Variants in WASHC2C observed in about 807,000 individuals in gnomAD.
WASHC2C encodes Vaccinia Penetration Factor.
A neutral mutation model predicts 142.2 loss-of-function variants in WASHC2C; 73 were observed. The observed-to-expected ratio is 0.51, with a 90% confidence interval of 0.43 to 0.62. The LOEUF is 0.62. Among genes scored for constraint, WASHC2C ranks in the 20% least tolerant of loss-of-function variants. The pLI is 0.00. For missense variants in WASHC2C, 969 were observed against 1,531.7 expected (o/e 0.63, Z 6.13); for synonymous variants, 337 against 565.5 (o/e 0.60, Z 5.73).
chr10:45,789,043 G>A lies in WASHC2C; in HGVS notation c.3260G>A (p.Ser1087Asn). The change falls in exon 29 of 31, where the codon AGT (serine) becomes AAT (asparagine). Residue 1087 changes from serine to asparagine, a missense_variant. Ser to Asn is a conservative substitution (Grantham distance 46). Transcript: ENST00000623400. ...NGHRPQLRAA[S>N]GEDSTEEALA... The stretch of plus-strand genomic sequence containing the variant: ...CATCGGCCACAGCTCAGAGCAGCCA[G>A]TGGAGAAGACAGCACTGAGGAGGCC... The A allele has an allele frequency of 3.7e-6, 6 of 1,612,066 alleles. No homozygotes were observed. Among genetic ancestry groups the A allele is most frequent in the Admixed American group, 1.7e-5 (1 of 60,024 alleles).
intron 13 of WASHC2C, among the ~76,000 whole-genome samples, chr10:45,754,061 T>A (rs1250912406): frequency 1.3e-5 from 2 of 151,878 alleles, no homozygotes; most frequent in South Asian, 4.1e-4. Flanking sequence ...CCCTTTGCTC[T>A]TATGTCTTTA....
chr10:45,785,358 T>C (rs2057956967), intron 25 of WASHC2C, 151 bp from the exon 26 acceptor site: 1 of 869,976 alleles, frequency 1.1e-6, no homozygotes, highest in Non-Finnish European at 1.8e-6. Context: ...TTCAGAATGC[T>C]ATTTCTGAAA....
At chr10:45,754,205 C>T (rs1239904283) in intron 13 of WASHC2C, among the ~76,000 whole-genome samples, 8 of 151,542 alleles carry the variant, frequency 5.3e-5, no homozygotes, top group Non-Finnish European at 1.2e-4. Context: ...GTGCTCACCT[C>T]CTCCCTTGGT....
intron 3 of WASHC2C, among the ~76,000 whole-genome samples, chr10:45,734,194 C>G (rs868969848): frequency 6.6e-6 from 1 of 152,166 alleles, no homozygotes; most frequent in African/African-American, 2.4e-5. Flanking sequence ...CACTGCACTT[C>G]AGCCAGGGTG....
At chr10:45,782,283 G>C (rs2057566450) in intron 23 of WASHC2C, among the ~76,000 whole-genome samples, 1 of 152,008 alleles carries the variant, frequency 6.6e-6, no homozygotes, top group Non-Finnish European at 1.5e-5. Flanking sequence ...ACGAGACCCT[G>C]TCTGAAAAAA....
At position 45,790,502 on chromosome 10, in the gene WASHC2C, G is replaced by A; in HGVS notation, c.3855G>A (p.Val1285=). Reference sequence around the variant, plus strand: ...CAAAAGAAAAGTCCAAAAAGAAAGTGGAAGCCAAGTCTATATTTGATGATG... The same window carrying A: ...CAAAAGAAAAGTCCAAAAAGAAAGTAGAAGCCAAGTCTATATTTGATGATG... ...VKPKEKSKKK[V]EAKSIFDDDM... is the part of the protein sequence containing the mutation. Residue 1285 remains valine, a synonymous_variant, in exon 30 of 31, where the codon GTG becomes GTA. Transcript: ENST00000623400. 1.2e-6 allele frequency: 2 copies of A among 1,611,324 alleles called. No individual in the cohort carries two copies. The highest frequency in any genetic ancestry group is 2.2e-5 in the East Asian group (1 of 44,860).
At chr10:45,772,089 A>G (rs1554884837) in intron 20 of WASHC2C, among the ~76,000 whole-genome samples, 1 of 152,266 alleles carries the variant, frequency 6.6e-6, no homozygotes, top group African/African-American at 2.4e-5. Context: ...GTAGTGATGC[A>G]TCCTAGAACA....
Position 45,763,429 on chromosome 10 carries a change from A to G in WASHC2C, c.1677A>G (p.Ala559=), listed in dbSNP as rs200274112. The G allele has an allele frequency of 7.4e-4, 805 of 1,086,096 alleles. 2 individuals carry two copies. Among genetic ancestry groups the G allele is most frequent in the African/African-American group, 5.0e-3 (314 of 62,194 alleles). 67.3% of individuals were successfully genotyped at this position (1,086,096 alleles called of 1,614,324 possible). A position where few individuals can be genotyped will look rare whatever the true frequency, so the allele number is the denominator to read the frequency against. Residue 559 remains alanine (A), a synonymous_variant, in exon 18 of 31, where the codon GCA becomes GCG. Transcript: ENST00000623400. ...SSQSASNLKG[A]SLLPGKLPTS... ...AAAGTGCGAGTAACTTAAAAGGTGCATCTCTGCTGCCTGGCAAGCTCCCCA... is the reference window on the plus strand; with the variant it reads ...AAAGTGCGAGTAACTTAAAAGGTGCGTCTCTGCTGCCTGGCAAGCTCCCCA...
intron 4 of WASHC2C, among the ~76,000 whole-genome samples, chr10:45,738,615 T>TA (rs1178965579): frequency 1.3e-5 from 2 of 152,230 alleles, no homozygotes; most frequent in Non-Finnish European, 2.9e-5. Context: ...ATGAAGCTGT[T>TA]AGACTAGGAA....
At position 45,792,504 on chromosome 10, in the gene WASHC2C, G is replaced by A. The variant is rs1345205429; in HGVS notation, c.*104G>A. 328 of 1,502,722 alleles carry A rather than the reference G, an allele frequency of 2.2e-4. 21 individuals are homozygous for A. In the East Asian group the frequency reaches 6.0e-3, roughly 27 times the overall value. The allele number at this position is 1,502,722 out of a possible 1,614,324, so 93.1% of individuals were successfully genotyped here. A position where few individuals can be genotyped will look rare whatever the true frequency, so the allele number is the denominator to read the frequency against. On this transcript the variant is annotated 3_prime_UTR_variant, in exon 31 of 31. Transcript: ENST00000623400. ...ACTGGATTACAAAAAGCAAATACTA[G>A]AACAGCTAGCTCATCTTTTACCCAA...
intron 3 of WASHC2C, among the ~76,000 whole-genome samples, chr10:45,732,804 T>C (rs1243333790): frequency 6.6e-6 from 1 of 152,272 alleles, no homozygotes; most frequent in African/African-American, 2.4e-5. Flanking sequence ...ATTTTGGTCA[T>C]TTTTCCCTCC....
chr10:45,750,817 C>A lies in WASHC2C; in HGVS notation c.910C>A (p.Arg304=). ...CCGCATCAAGGGGGATGCCATGGGT[C>A]GAGTGGACGAGGAGCCGACAAGTGA... ...AARIKGDAMG[R]VDEEPTTLPS... The change falls in exon 10 of 31, where the codon CGA becomes AGA. Residue 304 remains arginine (R), a synonymous_variant. Coordinates refer to ENST00000623400, the MANE Select transcript of WASHC2C (RefSeq NM_001330074.2). The A allele has an allele frequency of 1.3e-6, 2 of 1,548,360 alleles. No individual in the cohort carries two copies. Among genetic ancestry groups the A allele is most frequent in the Non-Finnish European group, 1.7e-6 (2 of 1,146,916 alleles).
At chr10:45,747,715 C>T (rs1274487523) in intron 8 of WASHC2C, among the ~76,000 whole-genome samples, 1 of 149,580 alleles carries the variant, frequency 6.7e-6, no homozygotes, top group Non-Finnish European at 1.5e-5. Context: ...CTCAGCCTCC[C>T]TGAGTAGCTG....
chr10:45,749,689 A>G (rs2596960), intron 8 of WASHC2C, among the ~76,000 whole-genome samples: 7,783 of 149,478 alleles, frequency 0.052, 282 homozygotes, highest in African/African-American at 0.1. Flanking sequence ...TGCTGGGCGT[A>G]GTGGTGCATG....
rs546907249 is a variant in WASHC2C at position 45,737,990 on chromosome 10, A to G, written c.299A>G (p.Tyr100Cys). 8.1e-6 allele frequency: 13 copies of G among 1,611,764 alleles called. No individual in the cohort carries two copies. The South Asian group carries it at 1.2e-4, about 15-fold the overall frequency. ...GTTTGCTTCCATATTTAGCGTGTAT[A>G]TGATGAAGAAGTGGAGGAGCCAGTA... Reference protein sequence around the residue: ...SNTQFIENRVYDEEVEEPVLK... With the variant: ...SNTQFIENRVCDEEVEEPVLK... Residue 100 changes from tyrosine (Y) to cysteine (C), a missense_variant, in exon 4 of 31, where the codon TAT becomes TGT. Physicochemically the swap from Tyr to Cys is radical, Grantham distance 194. Coordinates refer to ENST00000623400, the MANE Select transcript of WASHC2C (RefSeq NM_001330074.2).
Position 45,727,426 on chromosome 10 carries a change from A to C in WASHC2C, c.13A>C (p.Thr5Pro), listed in dbSNP as rs2049984605. MMNR[T>P]TPDQELVPAS... is the part of the protein sequence containing the mutation. ...GTTTTTTTCGCTGCAGATGAACCGG[A>C]CGACCCCCGACCAGGAGCTGGTGCC... Residue 5 changes from threonine to proline, a missense_variant, in exon 2 of 31, where the codon ACG becomes CCG. Physicochemically the swap from Thr to Pro is conservative, Grantham distance 38. Transcript: ENST00000623400. 6.2e-7 allele frequency: 1 copy of C among 1,611,130 alleles called. No individual in the cohort carries two copies. Among genetic ancestry groups the C allele is most frequent in the African/African-American group, 1.3e-5 (1 of 74,752 alleles).
chr10:45,772,984 C>T (rs1297187458), intron 20 of WASHC2C, among the ~76,000 whole-genome samples: 1 of 149,604 alleles, frequency 6.7e-6, no homozygotes, highest in African/African-American at 2.5e-5. Context: ...TGCCTTGCAG[C>T]GGTAACAGCT....
rs782293902 is a variant in WASHC2C at position 45,784,853 on chromosome 10, GGATGATGAA to G, written c.2649_2657del (p.Glu883_Asp885del). Reference sequence around the variant, plus strand: ...AGCCAAGTGTTGGGAGCCTGTTTGGGGATGATGAAGATGATGATCTTTTCAGCTCTGCCA... The same window carrying G: ...AGCCAAGTGTTGGGAGCCTGTTTGGGGATGATGATCTTTTCAGCTCTGCCA... On this transcript the variant is annotated inframe_deletion, in exon 25 of 31. Coordinates refer to ENST00000623400, the MANE Select transcript of WASHC2C (RefSeq NM_001330074.2). 6.2e-7 allele frequency: 1 copy of G among 1,608,144 alleles called. No homozygotes were observed. Among genetic ancestry groups the G allele is most frequent in the African/African-American group, 1.3e-5 (1 of 74,260 alleles).
chr10:45,747,295 C>G (rs1481687023), intron 8 of WASHC2C, among the ~76,000 whole-genome samples: 3 of 151,958 alleles, frequency 2.0e-5, no homozygotes, highest in Non-Finnish European at 4.4e-5. Flanking sequence ...TGCCCACCAC[C>G]ATGCTCAGCC....
Sources: gnomAD v4.1 joint callset for allele counts (sites outside exome capture counted in the v4.1 genomes callset) on GRCh38, gnomAD v4.1.1 for gene constraint, MANE v1.5 for transcripts, NCBI Gene and HGNC (gene_info 2026-07-23, HGNC 2026-07-21) for gene names.